Variants in ARHGEF28 observed in about 807,000 individuals in gnomAD.
ARHGEF28 encodes Rho guanine nucleotide exchange factor 28.
A neutral mutation model predicts 206.6 loss-of-function variants in ARHGEF28; 152 were observed. That is an observed-to-expected ratio of 0.74 (90% CI 0.64 to 0.84). The LOEUF is 0.84. Ranked by LOEUF, ARHGEF28 falls within the 40% of genes least tolerant of loss-of-function variation. The pLI, the probability that ARHGEF28 is intolerant of heterozygous loss-of-function variation, is 0.00. For synonymous variants in ARHGEF28, 763 were observed against 776.4 expected (o/e 0.98, Z 0.29); for missense variants, 2,028 against 2,073.2 (o/e 0.98, Z 0.42).
In ARHGEF28 at chr5:73,893,215, G is replaced by T; in HGVS notation, c.3585G>T (p.Gly1195=). The change falls in exon 28 of 36, where the codon GGG becomes GGT. Residue 1195 remains glycine (G), a synonymous_variant. Coordinates refer to ENST00000513042, the MANE Select transcript of ARHGEF28 (RefSeq NM_001177693.2). ...TTTAAAGTTGTCCTGAAGAAAAAGG[G>T]GGAAGGACAAGTGAATCTGATGAAG... ...QAVESCPEEK[G]GRTSESDEDK... 1.3e-6 allele frequency: 2 copies of T among 1,553,300 alleles called. No individual in the cohort carries two copies. Among genetic ancestry groups the T allele is most frequent in the Non-Finnish European group, 1.7e-6 (2 of 1,148,878 alleles).
chr5:73,646,557 A>G (rs534881036), intron 1 of ARHGEF28, among the ~76,000 whole-genome samples: 1 of 152,248 alleles, frequency 6.6e-6, no homozygotes, highest in South Asian at 2.1e-4. Context: ...TGTACACATC[A>G]TGTGGGTCCT....
chr5:73,916,613 G>A (rs181130645), intron 35 of ARHGEF28, among the ~76,000 whole-genome samples: 26 of 152,194 alleles, frequency 1.7e-4, no homozygotes, highest in Admixed American at 7.2e-4. Flanking sequence ...TTGGATTAGG[G>A]CCCACCATAA....
At position 73,773,949 on chromosome 5, in the gene ARHGEF28, G is replaced by C. The variant is rs1255367680; in HGVS notation, c.570G>C (p.Gln190His). 3 of 1,607,628 alleles carry C rather than the reference G, an allele frequency of 1.9e-6. No individual in the cohort carries two copies. The highest frequency in any genetic ancestry group is 2.5e-6 in the Non-Finnish European group (3 of 1,176,912). The change falls in exon 5 of 36, where the codon CAG becomes CAC. Residue 190 changes from glutamine (Q) to histidine (H), a missense_variant. Gln to His is a conservative substitution (Grantham distance 24). This residue lies in a region of ARHGEF28 where 1,002 missense variants were observed against 1,015.3 expected (regional missense o/e 0.99). Coordinates refer to ENST00000513042, the MANE Select transcript of ARHGEF28 (RefSeq NM_001177693.2). ...TCTTGTGTCTCCCGGGGGGAGTCCA[G>C]GCCTTGGCTTTACCCAACGAAGAGG... Reference protein sequence around the residue: ...QFFLCLPGGVQALALPNEEGA... With the variant: ...QFFLCLPGGVHALALPNEEGA...
At chr5:73,695,971 T>C (rs560164900) in intron 2 of ARHGEF28, among the ~76,000 whole-genome samples, 133 of 152,316 alleles carry the variant, frequency 8.7e-4, no homozygotes, top group African/African-American at 2.9e-3. Flanking sequence ...TATCCAGGAA[T>C]GCCACTAAGG....
At chr5:73,647,444 A>AC (rs972015856) in intron 1 of ARHGEF28, among the ~76,000 whole-genome samples, 1 of 152,156 alleles carries the variant, frequency 6.6e-6, no homozygotes, top group Non-Finnish European at 1.5e-5. Flanking sequence ...ACATACTCAC[A>AC]CCTAACTTCA....
At chr5:73,897,133 C>T (rs1762003706) in intron 29 of ARHGEF28, among the ~76,000 whole-genome samples, 1 of 152,200 alleles carries the variant, frequency 6.6e-6, no homozygotes, top group Non-Finnish European at 1.5e-5. Context: ...GAAACCCATC[C>T]ATCCTTCCAG....
intron 2 of ARHGEF28, among the ~76,000 whole-genome samples, chr5:73,737,492 C>CTTTTCTTTTCTTTTCTTTTCTTT (rs1561367965): frequency 1.0e-4 from 11 of 108,674 alleles, no homozygotes; most frequent in South Asian, 6.0e-4. Context: ...CTTTTCTTTT[C>CTTTTCTTTTCTTTTCTTTTCTTT]TTTTCTTTTC....
At chr5:73,652,485 G>C (rs77075109) in intron 1 of ARHGEF28, among the ~76,000 whole-genome samples, 2 of 152,122 alleles carry the variant, frequency 1.3e-5, no homozygotes, top group South Asian at 2.1e-4. Flanking sequence ...ATGCACATTT[G>C]GGGGAGCAGA....
chr5:73,747,078 C>T (rs1323943048), intron 2 of ARHGEF28, among the ~76,000 whole-genome samples: 2 of 152,046 alleles, frequency 1.3e-5, no homozygotes, highest in South Asian at 2.1e-4. Context: ...ATTTCAGTGG[C>T]ATATTTGAGT....
intron 1 of ARHGEF28, among the ~76,000 whole-genome samples, chr5:73,666,970 C>T (rs957034485): frequency 2.6e-5 from 4 of 151,456 alleles, no homozygotes; most frequent in African/African-American, 7.3e-5. Flanking sequence ...CCTCAAAAGC[C>T]GTAGCAGAGG....
intron 2 of ARHGEF28, among the ~76,000 whole-genome samples, chr5:73,721,865 T>G (rs1216816967): frequency 6.6e-6 from 1 of 152,208 alleles, no homozygotes; most frequent in Non-Finnish European, 1.5e-5. Context: ...TGGGAACTAT[T>G]TAGGAATCTT....
At chr5:73,806,026 C>G (rs923627063) in intron 9 of ARHGEF28, among the ~76,000 whole-genome samples, 10 of 151,274 alleles carry the variant, frequency 6.6e-5, no homozygotes, top group Non-Finnish European at 1.5e-4. Flanking sequence ...TTATTAAACT[C>G]TTTGCTCATT....
chr5:73,909,151 C>T (rs1485174400), intron 33 of ARHGEF28: 6 of 354,796 alleles, frequency 1.7e-5, no homozygotes, highest in Non-Finnish European at 2.5e-5. Context: ...ACTACCTTCC[C>T]ACAGGAGAGG....
chr5:73,713,449 G>C (rs73762169), intron 2 of ARHGEF28, among the ~76,000 whole-genome samples: 3,024 of 152,228 alleles, frequency 0.02, 101 homozygotes, highest in African/African-American at 0.07. Context: ...ACCTTTACCT[G>C]TTGGAACGGG....
In ARHGEF28 at chr5:73,887,675, C is replaced by A; in HGVS notation, c.3383C>A (p.Ala1128Asp). 6.4e-7 allele frequency: 1 copy of A among 1,565,942 alleles called. No individual in the cohort carries two copies. Among genetic ancestry groups the A allele is most frequent in the Non-Finnish European group, 8.7e-7 (1 of 1,153,912 alleles). Residue 1128 changes from alanine (A) to aspartate (D), a missense_variant, in exon 26 of 36, where the codon GCC (alanine) becomes GAC (aspartate). Physicochemically the swap from Ala to Asp is moderately radical, Grantham distance 126 (BLOSUM62 -2). This residue lies in a region of ARHGEF28 where 803 missense variants were observed against 768.0 expected (regional missense o/e 1.05). Coordinates refer to ENST00000513042, the MANE Select transcript of ARHGEF28 (RefSeq NM_001177693.2). The stretch of plus-strand genomic sequence containing the variant: ...AAAGACCAGAAATACATCTTTGCAG[C>A]CGTTGTAAGTATATGACTGTGTGAT... ...QEKDQKYIFAAVDQKPSVISL... is the reference protein window; with the variant it reads ...QEKDQKYIFADVDQKPSVISL...
At chr5:73,886,234 T>C (rs2112673646) in intron 25 of ARHGEF28, 130 bp downstream of exon 25, 8 of 1,195,756 alleles carry the variant, frequency 6.7e-6, no homozygotes, top group Non-Finnish European at 7.8e-6. Context: ...AGTTGAAAGA[T>C]TGATTTGTGA....
In ARHGEF28 at chr5:73,883,859, G is replaced by A; in HGVS notation, c.3030G>A (p.Val1010=). ...GTATTACAAAATACCCTGTCTTGGT[G>A]GAAAGGATATTGCAGTACACAAAGG... ...TQRITKYPVL[V]ERILQYTKER... The change falls in exon 24 of 36, where the codon GTG becomes GTA. Residue 1010 remains valine (V), a synonymous_variant. Transcript: ENST00000513042. 1 of 1,565,184 alleles carries A rather than the reference G, an allele frequency of 6.4e-7. No individual in the cohort carries two copies. The highest frequency in any genetic ancestry group is 1.4e-5 in the African/African-American group (1 of 73,642).
intron 1 of ARHGEF28, among the ~76,000 whole-genome samples, chr5:73,670,769 A>G (rs894542891): frequency 6.6e-6 from 1 of 152,170 alleles, no homozygotes; most frequent in Non-Finnish European, 1.5e-5. Flanking sequence ...TTCATTTGCC[A>G]TCTGTATATC....
At chr5:73,852,563 C>A in intron 13 of ARHGEF28, 87 bp from the exon 14 acceptor site, 1 of 1,143,824 alleles carries the variant, frequency 8.7e-7, no homozygotes, top group Non-Finnish European at 1.3e-6. Flanking sequence ...TATAATGATA[C>A]AATATGGTTG....
Sources: gnomAD v4.1 joint callset for allele counts (sites outside exome capture counted in the v4.1 genomes callset) on GRCh38, gnomAD v4.1.1 for gene constraint, gnomAD v4.1.1 regional missense constraint, MANE v1.5 for transcripts, NCBI Gene and HGNC (gene_info 2026-07-23, HGNC 2026-07-21) for gene names.